OSBPL8: variants seen among roughly 807,000 people sequenced by gnomAD.
OSBPL8 encodes oxysterol binding protein like 8, also known as oxysterol-binding protein-related protein 8.
Under a neutral mutation model 125.5 loss-of-function variants are expected in OSBPL8, and 59 were observed. That is an observed-to-expected ratio of 0.47 (90% CI 0.38 to 0.58). OSBPL8 has a LOEUF of 0.58. OSBPL8 is among the 20% of genes least tolerant of loss of function. The pLI, the probability that OSBPL8 is intolerant of heterozygous loss-of-function variation, is 0.00. For missense variants in OSBPL8, 758 were observed against 1,047.8 expected (o/e 0.72, Z 3.82); for synonymous variants, 330 against 338.9 (o/e 0.97, Z 0.29).
At chr12:76,426,251 G>T (rs1870135100) in intron 4 of OSBPL8, among the ~76,000 whole-genome samples, 1 of 152,158 alleles carries the variant, frequency 6.6e-6, no homozygotes, top group African/African-American at 2.4e-5. Flanking sequence ...AGCCAATCAT[G>T]CTACTTCTGT....
At chr12:76,523,393 G>C (rs780309560) in intron 1 of OSBPL8, among the ~76,000 whole-genome samples, 1 of 152,238 alleles carries the variant, frequency 6.6e-6, no homozygotes, top group Admixed American at 6.5e-5. Context: ...TAGAGTCAAA[G>C]GGAAAATTTA....
intron 21 of OSBPL8, among the ~76,000 whole-genome samples, chr12:76,360,762 C>A (rs1453411622): frequency 6.6e-6 from 1 of 152,224 alleles, no homozygotes; most frequent in Non-Finnish European, 1.5e-5. Flanking sequence ...GTGGAAGCTG[C>A]CAAGGTTTGG....
chr12:76,501,716 G>A (rs1038142123), intron 1 of OSBPL8, among the ~76,000 whole-genome samples: 26 of 152,216 alleles, frequency 1.7e-4, no homozygotes, highest in Non-Finnish European at 2.9e-4. Flanking sequence ...TAGAGCCACC[G>A]CTGAGTGCCC....
In OSBPL8 at chr12:76,394,803, T is replaced by C. The variant is rs559261214; in HGVS notation, c.673-74A>G. 1.3e-3 allele frequency: 1,237 copies of C among 978,226 alleles called. 13 individuals are homozygous for C. In the African/African-American group the frequency reaches 0.019, roughly 15 times the overall value. 60.6% of individuals were successfully genotyped at this position (978,226 alleles called of 1,614,324 possible). Reference sequence around the variant, plus strand: ...GATCTCATCTTTACACTATCCAATATTATCTGTAATAATCTAAATCAGGTA... The same window carrying C: ...GATCTCATCTTTACACTATCCAATACTATCTGTAATAATCTAAATCAGGTA... On this transcript the variant is annotated intron_variant, in intron 8 of 23. Transcript: ENST00000261183.
Position 76,548,936 on chromosome 12 carries a change from A to G in OSBPL8, c.-68+10461T>C, listed in dbSNP as rs147793642. ...AAAACTGACCGGAGGAGAAAAGGAG[A>G]TAAATTAGACACAAGGAGACACAAG... On this transcript the variant is annotated intron_variant, in intron 1 of 23. Transcript: ENST00000261183. 3.4e-3 allele frequency among the ~76,000 whole-genome samples: 512 copies of G among 152,312 alleles called. 3 individuals carry two copies. Among genetic ancestry groups the G allele is most frequent in the African/African-American group, 0.012 (495 of 41,576 alleles).
intron 1 of OSBPL8, among the ~76,000 whole-genome samples, chr12:76,555,197 AATAG>A (rs1951057107): frequency 6.6e-6 from 1 of 152,218 alleles, no homozygotes; most frequent in African/African-American, 2.4e-5. Flanking sequence ...CACAACAATG[AATAG>A]ATAAATGACA....
chr12:76,491,329 T>C (rs956389618), intron 1 of OSBPL8, among the ~76,000 whole-genome samples: 7 of 150,430 alleles, frequency 4.7e-5, no homozygotes, highest in Non-Finnish European at 8.8e-5. Context: ...GGATAACCTC[T>C]CTAACAATTA....
chr12:76,508,074 G>A (rs1423661440), intron 1 of OSBPL8, among the ~76,000 whole-genome samples: 1 of 151,858 alleles, frequency 6.6e-6, no homozygotes, highest in East Asian at 1.9e-4. Flanking sequence ...GCAAGGCTGA[G>A]GCAGGGGAAT....
intron 4 of OSBPL8, among the ~76,000 whole-genome samples, chr12:76,449,687 A>G (rs4512899): frequency 0.86 from 130,575 of 152,214 alleles, 56,460 homozygotes; most frequent in East Asian, 0.97. Flanking sequence ...AATGAGAAGC[A>G]TACATAAAGC....
intron 5 of OSBPL8, among the ~76,000 whole-genome samples, chr12:76,406,443 G>C (rs979285253): frequency 6.6e-6 from 1 of 152,116 alleles, no homozygotes; most frequent in Admixed American, 6.5e-5. Flanking sequence ...CCTTTTAACA[G>C]AATTCCTTTT....
chr12:76,526,176 A>G (rs895009527), intron 1 of OSBPL8, among the ~76,000 whole-genome samples: 8 of 152,234 alleles, frequency 5.3e-5, no homozygotes, highest in Non-Finnish European at 1.0e-4. Context: ...TACATAGAGT[A>G]TTACATGTCG....
At chr12:76,440,484 T>C (rs937061194) in intron 4 of OSBPL8, among the ~76,000 whole-genome samples, 1 of 152,230 alleles carries the variant, frequency 6.6e-6, no homozygotes, top group Non-Finnish European at 1.5e-5. Flanking sequence ...AAGATTTGTG[T>C]CAGTTCTTCC....
Position 76,352,615 on chromosome 12 carries a change from T to G in OSBPL8, c.*3274A>C, listed in dbSNP as rs940028684. 3.3e-5 allele frequency: 5 copies of G among 152,526 alleles called. No individual in the cohort carries two copies. Among genetic ancestry groups the G allele is most frequent in the African/African-American group, 1.2e-4 (5 of 41,444 alleles). 9.4% of individuals were successfully genotyped at this position (152,526 alleles called of 1,614,324 possible). A position where few individuals can be genotyped will look rare whatever the true frequency, so the allele number is the denominator to read the frequency against. On this transcript the variant is annotated 3_prime_UTR_variant, in exon 24 of 24. Coordinates refer to ENST00000261183, the MANE Select transcript of OSBPL8 (RefSeq NM_020841.5). Reference sequence around the variant, plus strand: ...TGGAAAATTTGATATAAATCTAATATTTTATTTCTGTACATTTAATATGAT... The same window carrying G: ...TGGAAAATTTGATATAAATCTAATAGTTTATTTCTGTACATTTAATATGAT...
intron 4 of OSBPL8, among the ~76,000 whole-genome samples, chr12:76,423,820 T>C (rs543932953): frequency 2.0e-4 from 30 of 152,234 alleles, no homozygotes; most frequent in African/African-American, 7.0e-4. Flanking sequence ...ACAATAACCA[T>C]CTAGGTTAAA....
At chr12:76,453,980 A>G (rs1415363369) in intron 3 of OSBPL8, among the ~76,000 whole-genome samples, 1 of 152,230 alleles carries the variant, frequency 6.6e-6, no homozygotes, top group Non-Finnish European at 1.5e-5. Flanking sequence ...GGCAAATACA[A>G]ATCAAAATAA....
At chr12:76,406,779 C>CT (rs1214161557) in intron 5 of OSBPL8, among the ~76,000 whole-genome samples, 2 of 152,070 alleles carry the variant, frequency 1.3e-5, no homozygotes, top group Admixed American at 6.5e-5. Flanking sequence ...CCACGTGTGG[C>CT]TAATTTTTTG....
At position 76,358,733 on chromosome 12, in the gene OSBPL8, C is replaced by T. The variant is rs1244307432; in HGVS notation, c.2407G>A (p.Asp803Asn). 3 of 1,613,706 alleles carry T rather than the reference C, an allele frequency of 1.9e-6. No homozygotes were observed. The highest frequency in any genetic ancestry group is 2.2e-5 in the East Asian group (1 of 44,876). ...VAKGYSSPEP[D>N]IQDSSGSEAQ... is the part of the protein sequence containing the mutation. ...TCACTTCCAGAGGAGTCTTGAATGT[C>T]AGGTTCTGGGGAGGAATAGCCTTTT... Residue 803 changes from aspartate to asparagine, a missense_variant, in exon 22 of 24, where the codon GAC becomes AAC. This residue lies in a region of OSBPL8 where 572 missense variants were observed against 762.0 expected (regional missense o/e 0.75). Transcript: ENST00000261183.
At chr12:76,437,566 T>A (rs1209026927) in intron 4 of OSBPL8, among the ~76,000 whole-genome samples, 2 of 152,240 alleles carry the variant, frequency 1.3e-5, no homozygotes, top group Non-Finnish European at 2.9e-5. Context: ...TTACATGCAC[T>A]GCAACGCATC....
At chr12:76,464,555 A>C (rs776645990) in intron 2 of OSBPL8, among the ~76,000 whole-genome samples, 3 of 152,238 alleles carry the variant, frequency 2.0e-5, no homozygotes, top group Non-Finnish European at 4.4e-5. Flanking sequence ...GTATGTCTAA[A>C]TATTTGCCAC....
Sources: gnomAD v4.1 joint callset for allele counts (sites outside exome capture counted in the v4.1 genomes callset) on GRCh38, gnomAD v4.1.1 for gene constraint, gnomAD v4.1.1 regional missense constraint, MANE v1.5 for transcripts, NCBI Gene and HGNC (gene_info 2026-07-23, HGNC 2026-07-21) for gene names.